Variants in HPRT1 observed in about 807,000 individuals in gnomAD.
The protein encoded by HPRT1 is hypoxanthine phosphoribosyltransferase 1, also known as hypoxanthine-guanine phosphoribosyltransferase.
In HPRT1, 4 loss-of-function variants were observed where a neutral mutation model predicts 19.0. That is an observed-to-expected ratio of 0.21 (90% CI 0.10 to 0.48). The LOEUF (loss-of-function observed/expected upper bound fraction) is 0.48, where lower values mean the gene tolerates loss of function less well. Ranked by LOEUF, HPRT1 falls within the 20% of genes least tolerant of loss-of-function variation. The pLI, the probability that HPRT1 is intolerant of heterozygous loss-of-function variation, is 0.98. For synonymous variants in HPRT1, 53 were observed against 54.9 expected (o/e 0.97, Z 0.15); for missense variants, 65 against 164.0 (o/e 0.40, Z 3.30).
chrX:134,461,722 A>G (rs774160676), intron 1 of HPRT1, among the ~76,000 whole-genome samples: 25 of 111,896 alleles, frequency 2.2e-4, no homozygotes, highest in Non-Finnish European at 3.8e-4. Context: ...TAGCAATGGT[A>G]TGATTATTAC....
intron 6 of HPRT1, among the ~76,000 whole-genome samples, chrX:134,495,495 G>A (rs1440179016): frequency 5.4e-5 from 6 of 111,938 alleles, no homozygotes; most frequent in African/African-American, 1.9e-4. Flanking sequence ...CTGTTTCACT[G>A]TTGGTTATAA....
intron 5 of HPRT1, among the ~76,000 whole-genome samples, chrX:134,492,066 T>A (rs1350510109): frequency 2.0e-5 from 2 of 97,973 alleles, no homozygotes; most frequent in African/African-American, 7.6e-5. Context: ...TATATATAGT[T>A]TTTTTTTTTT....
chrX:134,484,084 GT>G (rs1262133119), intron 3 of HPRT1, among the ~76,000 whole-genome samples: 2 of 111,700 alleles, frequency 1.8e-5, no homozygotes, highest in Non-Finnish European at 3.8e-5. Context: ...ACTGCTTGGA[GT>G]TCTCTTGTTT....
intron 6 of HPRT1, among the ~76,000 whole-genome samples, chrX:134,496,970 G>A (rs1237837227): frequency 1.8e-5 from 2 of 111,929 alleles, no homozygotes; most frequent in African/African-American, 3.2e-5. Context: ...TTTAACATCT[G>A]TAAAGGCTTT....
In HPRT1 at chrX:134,465,961, G is replaced by A. The variant is rs148815281; in HGVS notation, c.27+5623G>A. 2.3e-4 allele frequency among the ~76,000 whole-genome samples: 25 copies of A among 110,832 alleles called. No homozygotes were observed. The East Asian group carries it at 7.1e-3, about 31-fold the overall frequency. On this transcript the variant is annotated intron_variant, in intron 1 of 8. Coordinates refer to ENST00000298556, the MANE Select transcript of HPRT1 (RefSeq NM_000194.3). ...CTAGCCATTTTTATGTTGGGTGCTT[G>A]TTATGGACTGAGCATTTATGTCCTC...
At chrX:134,482,819 CT>C (rs5903878) in intron 3 of HPRT1, among the ~76,000 whole-genome samples, 13,894 of 108,837 alleles carry the variant, frequency 0.13, 890 homozygotes, top group Admixed American at 0.33. Context: ...AATATCTGCC[CT>C]TTTTTTTTAT....
Position 134,486,457 on chromosome X carries a change from TTA to T in HPRT1, c.319-7_319-6del. 9.6e-7 allele frequency: 1 copy of T among 1,042,409 alleles called. No homozygotes were observed. The highest frequency in any genetic ancestry group is 2.2e-5 in the South Asian group (1 of 45,646). The allele number at this position is 1,042,409 out of a possible 1,213,427, so 85.9% of individuals were successfully genotyped here. A position where few individuals can be genotyped will look rare whatever the true frequency, so the allele number is the denominator to read the frequency against. On this transcript the variant is annotated splice_polypyrimidine_tract_variant and splice_region_variant and intron_variant, in intron 3 of 8. Coordinates refer to ENST00000298556, the MANE Select transcript of HPRT1 (RefSeq NM_000194.3). ...TATATATATATAGTTTTTTTTTTTT[TTA>T]ACTAGAATGACCAGTCAACAGGGGA...
chrX:134,463,828 A>G (rs17885363), intron 1 of HPRT1, among the ~76,000 whole-genome samples: 1,128 of 111,491 alleles, frequency 0.01, 14 homozygotes, highest in South Asian at 0.087. Context: ...TTATGTGTCA[A>G]TCACCACCAT....
chrX:134,461,852 C>G (rs912676938), intron 1 of HPRT1, among the ~76,000 whole-genome samples: 1 of 111,913 alleles, frequency 8.9e-6, no homozygotes, highest in Non-Finnish European at 1.9e-5. Flanking sequence ...TCGAGTAATA[C>G]CAGTTAAAAA....
intron 3 of HPRT1, among the ~76,000 whole-genome samples, chrX:134,476,880 ACTC>A (rs1370692897): frequency 7.3e-5 from 8 of 110,232 alleles, no homozygotes; most frequent in African/African-American, 2.3e-4. Context: ...ATTAAGCTGA[ACTC>A]CTCAACTGAT....
chrX:134,489,155 T>C (rs893929385), intron 4 of HPRT1, among the ~76,000 whole-genome samples: 1 of 111,864 alleles, frequency 8.9e-6, no homozygotes, highest in Non-Finnish European at 1.9e-5. Flanking sequence ...ACTTTACTTT[T>C]AATACCTAGA....
chrX:134,495,467 C>A (rs2077678081), intron 6 of HPRT1, among the ~76,000 whole-genome samples: 1 of 111,778 alleles, frequency 8.9e-6, no homozygotes, highest in Non-Finnish European at 1.9e-5. Flanking sequence ...ATTTGAAAAT[C>A]TTTTTAACTG....
At chrX:134,487,952 C>G (rs2077657755) in intron 4 of HPRT1, among the ~76,000 whole-genome samples, 1 of 111,494 alleles carries the variant, frequency 9.0e-6, no homozygotes, top group Admixed American at 9.6e-5. Context: ...TCTTTCCCAC[C>G]TAATGGCTCT....
Position 134,475,047 on chromosome X carries a change from A to AT in HPRT1, c.135-121dup, listed in dbSNP as rs1404583296. 13,798 of 380,030 alleles carry AT rather than the reference A, an allele frequency of 0.036. 35 individuals carry two copies. Among genetic ancestry groups the AT allele is most frequent in the African/African-American group, 0.058 (2,132 of 36,528 alleles). 31.3% of individuals were successfully genotyped at this position (380,030 alleles called of 1,213,427 possible). On this transcript the variant is annotated intron_variant, in intron 2 of 8. Coordinates refer to ENST00000298556, the MANE Select transcript of HPRT1 (RefSeq NM_000194.3). ...AGGTACATGCTACCATGCCTGGCTAATTTTTTTTTTTTTGCAGGCATGGGG... is the reference window on the plus strand; with the variant it reads ...AGGTACATGCTACCATGCCTGGCTAATTTTTTTTTTTTTTGCAGGCATGGGG...
intron 2 of HPRT1, among the ~76,000 whole-genome samples, chrX:134,474,151 A>G (rs1373826437): frequency 8.9e-6 from 1 of 111,884 alleles, no homozygotes; most frequent in Non-Finnish European, 1.9e-5. Context: ...TATATTTTAA[A>G]GGTTGCATAG....
At chrX:134,477,790 C>T (rs1231506656) in intron 3 of HPRT1, among the ~76,000 whole-genome samples, 3 of 111,607 alleles carry the variant, frequency 2.7e-5, no homozygotes, top group Non-Finnish European at 3.8e-5. Context: ...TCTCCCACTT[C>T]GGCCTCCCGA....
intron 3 of HPRT1, among the ~76,000 whole-genome samples, chrX:134,482,375 T>C (rs970247958): frequency 3.4e-4 from 38 of 112,327 alleles, no homozygotes; most frequent in African/African-American, 1.2e-3. Context: ...GGTTTTTAAG[T>C]ATCAGCACTT....
intron 3 of HPRT1, among the ~76,000 whole-genome samples, chrX:134,483,229 C>A (rs2077644504): frequency 9.0e-6 from 1 of 111,052 alleles, no homozygotes; most frequent in African/African-American, 3.3e-5. Flanking sequence ...CCTGTTTGTT[C>A]CAAGCAGTTC....
intron 3 of HPRT1, among the ~76,000 whole-genome samples, chrX:134,478,546 G>C (rs1369982021): frequency 9.0e-6 from 1 of 111,543 alleles, no homozygotes; most frequent in South Asian, 3.7e-4. Context: ...CTAGGAGTTT[G>C]AGACTGCAGG....
Sources: allele counts gnomAD v4.1 joint callset (sites outside exome capture counted in the v4.1 genomes callset), GRCh38; gene constraint gnomAD v4.1.1; transcripts MANE v1.5; gene names NCBI Gene and HGNC (gene_info 2026-07-23, HGNC 2026-07-21).